Variants in CA2 observed in about 807,000 individuals in gnomAD.
The protein encoded by CA2 is carbonic anhydrase 2, also known as carbonate dehydratase II.
Under a neutral mutation model 27.8 loss-of-function variants are expected in CA2, and 23 were observed. The ratio of observed to expected loss-of-function variants is 0.83; its 90% confidence interval spans 0.59 to 1.17. CA2 has a LOEUF of 1.17. Among genes scored for constraint, CA2 ranks in the 50% most tolerant of loss-of-function variants. The pLI is 0.00. For synonymous variants in CA2, 99 were observed against 114.9 expected (o/e 0.86, Z 0.88); for missense variants, 300 against 314.7 (o/e 0.95, Z 0.35).
chr8:85,480,921 A>G lies in CA2; in HGVS notation c.*132A>G. On this transcript the variant is annotated 3_prime_UTR_variant, in exon 7 of 7. Coordinates refer to ENST00000285379, the MANE Select transcript of CA2 (RefSeq NM_000067.3). Reference sequence around the variant, plus strand: ...TTCTAGACCCTTCATCTCTTACTTGATAGACTTACTAATAAAATGTGAAGA... The same window carrying G: ...TTCTAGACCCTTCATCTCTTACTTGGTAGACTTACTAATAAAATGTGAAGA... 1.2e-6 allele frequency: 1 copy of G among 864,064 alleles called. No homozygotes were observed. The highest frequency in any genetic ancestry group is 1.9e-6 in the Non-Finnish European group (1 of 531,826). The allele number at this position is 864,064 out of a possible 1,614,324, so 53.5% of individuals were successfully genotyped here.
intron 4 of CA2, 102 bp downstream of exon 4, chr8:85,474,518 A>G: frequency 2.2e-6 from 2 of 915,402 alleles, no homozygotes; most frequent in Admixed American, 1.7e-5. Context: ...AGCTTAGGAA[A>G]TGCCTTTGTC....
At position 85,480,677 on chromosome 8, in the gene CA2, A is replaced by C. The variant is rs769071480; in HGVS notation, c.671A>C (p.Lys224Thr). The stretch of plus-strand genomic sequence containing the variant: ...TTTTATTGTGTCTTTTAGGTGTTGA[A>C]ATTCCGTAAACTTAACTTCAATGGG... The part of the protein sequence containing the change: ...PISVSSEQVL[K>T]FRKLNFNGEG... Residue 224 changes from lysine (K) to threonine (T), a missense_variant, in exon 7 of 7, where the codon AAA becomes ACA. Transcript: ENST00000285379. 8 of 1,613,244 alleles carry C rather than the reference A, an allele frequency of 5.0e-6. No individual in the cohort carries two copies. Among genetic ancestry groups the C allele is most frequent in the Non-Finnish European group, 6.8e-6 (8 of 1,179,412 alleles).
At chr8:85,477,064 C>T (rs574766702) in intron 5 of CA2, 56 bp from the exon 6 acceptor site, 1 of 1,584,942 alleles carries the variant, frequency 6.3e-7, no homozygotes, top group South Asian at 1.1e-5. Flanking sequence ...GCTCTCCTAC[C>T]TTCCTCCTAC....
intron 6 of CA2, among the ~76,000 whole-genome samples, chr8:85,477,805 T>C (rs912406786): frequency 6.6e-6 from 1 of 152,178 alleles, no homozygotes; most frequent in Admixed American, 6.5e-5. Flanking sequence ...TAAAATATAG[T>C]GTGTGATCGT....
At chr8:85,468,685 G>A (rs748225639) in intron 2 of CA2, among the ~76,000 whole-genome samples, 17 of 152,046 alleles carry the variant, frequency 1.1e-4, no homozygotes, top group South Asian at 4.1e-4. Context: ...GCTGGATCCC[G>A]GGAGGCGGAG....
Position 85,480,962 on chromosome 8 carries a change from T to C in CA2, c.*173T>C, listed in dbSNP as rs1041356270. ...AATGTGAAGACTAGACCAATTGTCA[T>C]GCTTGACACAACTGCTGTGGCTGGT... On this transcript the variant is annotated 3_prime_UTR_variant, in exon 7 of 7. Coordinates refer to ENST00000285379, the MANE Select transcript of CA2 (RefSeq NM_000067.3). 1.0e-4 allele frequency: 67 copies of C among 667,140 alleles called. No homozygotes were observed. Among genetic ancestry groups the C allele is most frequent in the Non-Finnish European group, 7.9e-6 (3 of 382,020 alleles). 41.3% of individuals were successfully genotyped at this position (667,140 alleles called of 1,614,324 possible). A position where few individuals can be genotyped will look rare whatever the true frequency, so the allele number is the denominator to read the frequency against.
At chr8:85,479,977 T>G (rs1811862762) in intron 6 of CA2, among the ~76,000 whole-genome samples, 3 of 152,166 alleles carry the variant, frequency 2.0e-5, no homozygotes, top group Admixed American at 6.5e-5. Flanking sequence ...TTGTCTTCCC[T>G]GGGGCAGAAA....
Position 85,481,069 on chromosome 8 carries a change from C to T in CA2, c.*280C>T. 1 of 399,316 alleles carries T rather than the reference C, an allele frequency of 2.5e-6. No individual in the cohort carries two copies. The highest frequency in any genetic ancestry group is 4.7e-6 in the Non-Finnish European group (1 of 211,300). 24.7% of individuals were successfully genotyped at this position (399,316 alleles called of 1,614,324 possible). A position where few individuals can be genotyped will look rare whatever the true frequency, so the allele number is the denominator to read the frequency against. On this transcript the variant is annotated 3_prime_UTR_variant, in exon 7 of 7. Coordinates refer to ENST00000285379, the MANE Select transcript of CA2 (RefSeq NM_000067.3). The stretch of plus-strand genomic sequence containing the variant: ...AAGAATAAAGTACCTTGACTTTGTT[C>T]ACAGCATGTAGGGTGATGAGCACTC...
intron 6 of CA2, among the ~76,000 whole-genome samples, chr8:85,478,488 T>A (rs1811840147): frequency 6.6e-6 from 1 of 152,202 alleles, no homozygotes; most frequent in Admixed American, 6.5e-5. Flanking sequence ...AATTTTTTTT[T>A]CTTCTTTCAC....
chr8:85,474,555 T>TC, intron 4 of CA2, 139 bp downstream of exon 4: 1 of 727,048 alleles, frequency 1.4e-6, no homozygotes, highest in South Asian at 1.5e-5. Context: ...GTTTATCTCC[T>TC]CCTTTCATAT....
rs11452517 is a variant in CA2 at position 85,477,544 on chromosome 8, CT to C, written c.663+282del. ...AAGATGTCTGTCACCTAATAAATGC[CT>C]TTTTTTTTTTTTGCCAGTTATGAGG... On this transcript the variant is annotated intron_variant, in intron 6 of 6. Coordinates refer to ENST00000285379, the MANE Select transcript of CA2 (RefSeq NM_000067.3). Among the ~76,000 whole-genome samples, 3,944 of 146,428 alleles carry C rather than the reference CT, an allele frequency of 0.027. 171 individuals are homozygous for C. The highest frequency in any genetic ancestry group is 0.091 in the African/African-American group (3,639 of 40,148).
chr8:85,477,338 G>T lies in CA2; in HGVS notation c.663+63G>T. The T allele has an allele frequency of 1.9e-6, 3 of 1,580,806 alleles. No individual in the cohort carries two copies. The South Asian group carries it at 3.3e-5, about 18-fold the overall frequency. Reference sequence around the variant, plus strand: ...CATTTAGTCAAGGCAGAAGACCTTGGCCTCCAGAGTGAGAGAGAACTGAGA... The same window carrying T: ...CATTTAGTCAAGGCAGAAGACCTTGTCCTCCAGAGTGAGAGAGAACTGAGA... On this transcript the variant is annotated intron_variant, in intron 6 of 6. Transcript: ENST00000285379.
intron 4 of CA2, 172 bp downstream of exon 4, chr8:85,474,588 A>G: frequency 1.5e-6 from 1 of 659,930 alleles, no homozygotes; most frequent in Non-Finnish European, 2.7e-6. Flanking sequence ...GTGGAGATGG[A>G]GGGCAGAAAG....
Position 85,476,901 on chromosome 8 carries a change from GT to G in CA2, c.508-204del, listed in dbSNP as rs76092398. Among the ~76,000 whole-genome samples, 1,261 of 139,216 alleles carry G rather than the reference GT, an allele frequency of 9.1e-3. 15 individuals are homozygous for G. Among genetic ancestry groups the G allele is most frequent in the African/African-American group, 0.024 (908 of 38,042 alleles). The allele number at this position is 139,216 out of a possible 152,430, so 91.3% of individuals were successfully genotyped here. On this transcript the variant is annotated intron_variant, in intron 5 of 6. Transcript: ENST00000285379. ...GATGAAAAATGGACATGTGAAAATA[GT>G]TTTTTTTTTTTTTTACTACGACTTG...
In CA2 at chr8:85,469,914, T is replaced by G. The variant is rs1410806328; in HGVS notation, c.233-3779T>G. ...TGGATCTTCATACATGGATCCTGCTTGACTTTCAGGGACTTGCTTTTGAAG... is the reference window on the plus strand; with the variant it reads ...TGGATCTTCATACATGGATCCTGCTGGACTTTCAGGGACTTGCTTTTGAAG... On this transcript the variant is annotated intron_variant, in intron 2 of 6. Coordinates refer to ENST00000285379, the MANE Select transcript of CA2 (RefSeq NM_000067.3). 2.6e-5 allele frequency among the ~76,000 whole-genome samples: 4 copies of G among 152,330 alleles called. No individual in the cohort carries two copies. In the East Asian group the frequency reaches 7.7e-4, roughly 29 times the overall value.
intron 2 of CA2, among the ~76,000 whole-genome samples, chr8:85,468,839 T>C (rs1371470324): frequency 6.8e-6 from 1 of 146,668 alleles, no homozygotes; most frequent in Non-Finnish European, 1.5e-5. Context: ...TTTCTTTCTT[T>C]TTTTTTTTTT....
At chr8:85,466,677 CAT>C (rs1491140758) in intron 2 of CA2, among the ~76,000 whole-genome samples, 735 of 56,786 alleles carry the variant, frequency 0.013, 3 homozygotes, top group Non-Finnish European at 0.021. Flanking sequence ...TACATACATA[CAT>C]ACACACACAC....
chr8:85,475,770 G>A (rs1017627489), intron 4 of CA2, 28 bp from the exon 5 acceptor site: 1 of 1,607,644 alleles, frequency 6.2e-7, no homozygotes, highest in Non-Finnish European at 8.5e-7. Flanking sequence ...CTGGGTGATA[G>A]TATCTTGCCC....
At position 85,464,093 on chromosome 8, in the gene CA2, C is replaced by T. The variant is rs989228844; in HGVS notation, c.12C>T (p.His4=). 2 of 1,548,748 alleles carry T rather than the reference C, an allele frequency of 1.3e-6. No individual in the cohort carries two copies. Among genetic ancestry groups the T allele is most frequent in the African/African-American group, 2.8e-5 (2 of 72,384 alleles). ...CCGCCAGCGCGACCATGTCCCATCACTGGGGGTACGGCAAACACAACGGTG... is the reference window on the plus strand; with the variant it reads ...CCGCCAGCGCGACCATGTCCCATCATTGGGGGTACGGCAAACACAACGGTG... MSH[H]WGYGKHNGPE... is the part of the protein sequence containing the mutation. Residue 4 remains histidine (H), a synonymous_variant, in exon 1 of 7, where the codon CAC becomes CAT. Transcript: ENST00000285379.
Sources: gnomAD v4.1 joint callset for allele counts (sites outside exome capture counted in the v4.1 genomes callset) on GRCh38, gnomAD v4.1.1 for gene constraint, MANE v1.5 for transcripts, NCBI Gene and HGNC (gene_info 2026-07-23, HGNC 2026-07-21) for gene names.